Variants in CDH13 observed in about 807,000 individuals in gnomAD.
CDH13 encodes cadherin 13, also known as cadherin-13.
Under a neutral mutation model 63.8 loss-of-function variants are expected in CDH13, and 24 were observed. The ratio of observed to expected loss-of-function variants is 0.38; its 90% CI spans 0.27 to 0.53. The LOEUF is 0.53. CDH13 is among the 20% of genes least tolerant of loss of function. CDH13 has a pLI of 0.85. For synonymous variants in CDH13, 503 were observed against 355.3 expected (o/e 1.42, Z -4.67); for missense variants, 1,049 against 903.1 (o/e 1.16, Z -2.07).
At chr16:83,513,792 G>A (rs2074631999) in intron 7 of CDH13, among the ~76,000 whole-genome samples, 3 of 152,224 alleles carry the variant, frequency 2.0e-5, no homozygotes, top group Admixed American at 6.5e-5. Flanking sequence ...GTGGGGACAC[G>A]GCCAAACCTT....
chr16:83,270,528 T>G (rs2088770204), intron 5 of CDH13, among the ~76,000 whole-genome samples: 1 of 152,166 alleles, frequency 6.6e-6, no homozygotes, highest in South Asian at 2.1e-4. Flanking sequence ...AATGTCGGTA[T>G]CCATGGAAAA....
intron 5 of CDH13, among the ~76,000 whole-genome samples, chr16:83,310,486 A>C (rs1201031778): frequency 6.6e-6 from 1 of 152,182 alleles, no homozygotes; most frequent in African/African-American, 2.4e-5. Flanking sequence ...GGCAGAGAGG[A>C]GAACACTGAA....
In CDH13 at chr16:83,169,374, A is replaced by C. The variant is rs552694043; in HGVS notation, c.483+43873A>C. The stretch of plus-strand genomic sequence containing the variant: ...GTATTTTTAGTAGAGACAGGATTTC[A>C]CCATATTGGCCAGGATTGTCTTGAT... On this transcript the variant is annotated intron_variant, in intron 4 of 13. Transcript: ENST00000567109. 1.6e-4 allele frequency among the ~76,000 whole-genome samples: 25 copies of C among 152,048 alleles called. No individual in the cohort carries two copies. In the South Asian group the frequency reaches 5.2e-3, roughly 32 times the overall value.
At chr16:82,736,066 T>C (rs1274377075) in intron 1 of CDH13, among the ~76,000 whole-genome samples, 1 of 152,176 alleles carries the variant, frequency 6.6e-6, no homozygotes, top group Non-Finnish European at 1.5e-5. Context: ...AAACCTGAAG[T>C]GCATAAGAAA....
chr16:83,168,442 G>T (rs1406295426), intron 4 of CDH13, among the ~76,000 whole-genome samples: 1 of 151,716 alleles, frequency 6.6e-6, no homozygotes, highest in African/African-American at 2.4e-5. Flanking sequence ...AAATGCCTCT[G>T]CCCTTCCTTA....
intron 4 of CDH13, among the ~76,000 whole-genome samples, chr16:83,131,182 ACCCCCCCCCCCC>A (rs1173636265): frequency 1.2e-5 from 1 of 86,348 alleles, no homozygotes; most frequent in African/African-American, 7.1e-5. Context: ...GGGGTGTATG[ACCCCCCCCCCCC>A]CCCCCCCGCC....
At chr16:83,149,627 C>G (rs945769375) in intron 4 of CDH13, among the ~76,000 whole-genome samples, 1 of 152,116 alleles carries the variant, frequency 6.6e-6, no homozygotes, top group African/African-American at 2.4e-5. Context: ...ACATTCAAAA[C>G]AGTGGGAATA....
chr16:82,654,191 C>T (rs2150912604), intron 1 of CDH13, among the ~76,000 whole-genome samples: 1 of 152,272 alleles, frequency 6.6e-6, no homozygotes, highest in Non-Finnish European at 1.5e-5. Context: ...CTTAGAGAGT[C>T]ACCTAGAGAT....
chr16:82,814,209 G>A (rs1004963597), intron 1 of CDH13, among the ~76,000 whole-genome samples: 18 of 152,104 alleles, frequency 1.2e-4, no homozygotes, highest in African/African-American at 4.1e-4. Flanking sequence ...TAAGAGCTTT[G>A]TAATTTCCTG....
intron 4 of CDH13, among the ~76,000 whole-genome samples, chr16:83,152,341 C>G (rs58355323): frequency 0.013 from 2,035 of 152,174 alleles, 45 homozygotes; most frequent in African/African-American, 0.046. Context: ...AATCTATTCT[C>G]AAATAATTTT....
intron 11 of CDH13, among the ~76,000 whole-genome samples, chr16:83,759,037 A>T (rs1288979711): frequency 3.9e-5 from 6 of 152,252 alleles, no homozygotes; most frequent in Admixed American, 3.9e-4. Flanking sequence ...GCAGAAATTG[A>T]TACACTGATT....
chr16:83,438,608 T>G (rs1488567107), intron 6 of CDH13, among the ~76,000 whole-genome samples: 3 of 152,216 alleles, frequency 2.0e-5, no homozygotes. Context: ...GAGACATTAT[T>G]TAAAAAGCAA....
chr16:83,162,286 G>A (rs923979538), intron 4 of CDH13, among the ~76,000 whole-genome samples: 7 of 151,878 alleles, frequency 4.6e-5, no homozygotes, highest in Admixed American at 1.3e-4. Flanking sequence ...GCATCTTGTC[G>A]TCATCATTGT....
intron 7 of CDH13, among the ~76,000 whole-genome samples, chr16:83,601,689 G>A (rs1907810156): frequency 6.6e-6 from 1 of 152,190 alleles, no homozygotes; most frequent in Non-Finnish European, 1.5e-5. Context: ...TTCAGTAAAT[G>A]TGAGTTCCTA....
At chr16:82,985,901 C>T (rs966585731) in intron 2 of CDH13, among the ~76,000 whole-genome samples, 4 of 152,112 alleles carry the variant, frequency 2.6e-5, no homozygotes, top group African/African-American at 9.7e-5. Flanking sequence ...TGCACCTGCT[C>T]TGGCCATGTG....
intron 1 of CDH13, among the ~76,000 whole-genome samples, chr16:82,787,568 G>T (rs1385682016): frequency 6.6e-6 from 1 of 152,166 alleles, no homozygotes; most frequent in Non-Finnish European, 1.5e-5. Flanking sequence ...AGCATTTATT[G>T]TATGCTAGAC....
At chr16:83,623,264 C>G (rs1179787000) in intron 8 of CDH13, among the ~76,000 whole-genome samples, 1 of 152,162 alleles carries the variant, frequency 6.6e-6, no homozygotes, top group Non-Finnish European at 1.5e-5. Context: ...CTCCAGGAAG[C>G]CATGCATTTC....
intron 6 of CDH13, among the ~76,000 whole-genome samples, chr16:83,455,048 T>C (rs2072984988): frequency 6.6e-6 from 1 of 152,196 alleles, no homozygotes; most frequent in South Asian, 2.1e-4. Context: ...CTTATTTAAT[T>C]TTCAAAGTAA....
intron 5 of CDH13, among the ~76,000 whole-genome samples, chr16:83,283,218 GGAT>G (rs1257025389): frequency 6.6e-6 from 1 of 152,118 alleles, no homozygotes; most frequent in Non-Finnish European, 1.5e-5. Flanking sequence ...TGGAGTTACT[GGAT>G]GATACCAATG....
Sources: gnomAD v4.1 joint callset for allele counts (sites outside exome capture counted in the v4.1 genomes callset) on GRCh38, gnomAD v4.1.1 for gene constraint, MANE v1.5 for transcripts, NCBI Gene and HGNC (gene_info 2026-07-23, HGNC 2026-07-21) for gene names.